The following ACTR3C variants were observed in gnomAD, a reference collection of about 807,000 sequenced individuals.
The protein encoded by ACTR3C is actin-related protein 3C.
In ACTR3C, 18 loss-of-function variants were observed where a neutral mutation model predicts 26.3. The ratio of observed to expected loss-of-function variants is 0.68; its 90% CI spans 0.47 to 1.01. The LOEUF is 1.01. ACTR3C is among the 50% of genes least tolerant of loss of function. ACTR3C has a pLI of 0.00. For synonymous variants in ACTR3C, 55 were observed against 94.5 expected (o/e 0.58, Z 2.42); for missense variants, 184 against 250.7 (o/e 0.73, Z 1.80).
the ACTR3C span, among the ~76,000 whole-genome samples, chr7:150,219,138 A>G: frequency 1.3e-5 from 2 of 148,414 alleles, no homozygotes; most frequent in African/African-American, 2.6e-5. Context: ...AGTGAATCCA[A>G]TATCATTACT....
At chr7:150,204,722 C>CA in the ACTR3C span, among the ~76,000 whole-genome samples, 1 of 150,516 alleles carries the variant, frequency 6.6e-6, no homozygotes, top group Non-Finnish European at 1.5e-5. Context: ...GGAGGATTGA[C>CA]GAGTGCAGAG....
chr7:150,275,549 A>G (rs962838290), intron 6 of ACTR3C, among the ~76,000 whole-genome samples: 3 of 152,160 alleles, frequency 2.0e-5, no homozygotes, highest in African/African-American at 7.2e-5. Flanking sequence ...CGTCTCTACT[A>G]AAAATACAAA....
the ACTR3C span, among the ~76,000 whole-genome samples, chr7:150,020,737 T>C: frequency 6.6e-6 from 1 of 152,180 alleles, no homozygotes; most frequent in Admixed American, 6.5e-5. Flanking sequence ...ATCTCAGGCT[T>C]TATTCTAAGG....
chr7:150,209,653 C>CAGTT, the ACTR3C span, among the ~76,000 whole-genome samples: 1 of 150,278 alleles, frequency 6.7e-6, no homozygotes, highest in African/African-American at 2.5e-5. Context: ...CCAAGGCAGG[C>CAGTT]AGTTCACCTG....
At chr7:150,126,943 A>G in the ACTR3C span, among the ~76,000 whole-genome samples, 1 of 152,234 alleles carries the variant, frequency 6.6e-6, no homozygotes, top group Non-Finnish European at 1.5e-5. Flanking sequence ...GTAGATTAAG[A>G]CAAGAGTTAC....
At chr7:149,937,125 C>CTG in the ACTR3C span, among the ~76,000 whole-genome samples, 20 of 150,874 alleles carry the variant, frequency 1.3e-4, no homozygotes, top group East Asian at 3.9e-3. Flanking sequence ...AGACATATTA[C>CTG]CAACTAATAG....
the ACTR3C span, among the ~76,000 whole-genome samples, chr7:150,183,005 T>C: frequency 2.0e-5 from 3 of 150,910 alleles, 1 homozygote; most frequent in African/African-American, 7.5e-5. Context: ...TGTTTTCAGA[T>C]TGATGAATTA....
At chr7:150,238,239 T>C in the ACTR3C span, among the ~76,000 whole-genome samples, 1 of 137,988 alleles carries the variant, frequency 7.2e-6, no homozygotes, top group African/African-American at 3.0e-5. Flanking sequence ...GAAATTAGTT[T>C]ATCTCTCAGT....
At chr7:149,922,970 CTTT>C in the ACTR3C span, among the ~76,000 whole-genome samples, 104 of 69,140 alleles carry the variant, frequency 1.5e-3, no homozygotes, top group African/African-American at 4.8e-3. Context: ...AAATAAAAGG[CTTT>C]TTTTTTTTTT....
intron 1 of ACTR3C, among the ~76,000 whole-genome samples, chr7:150,306,014 A>G (rs1231079407): frequency 1.3e-5 from 2 of 152,184 alleles, no homozygotes; most frequent in African/African-American, 2.4e-5. Flanking sequence ...AAGGAAATTT[A>G]CCATTCTCAT....
chr7:149,991,849 C>A, the ACTR3C span, among the ~76,000 whole-genome samples: 1,797 of 152,328 alleles, frequency 0.012, 36 homozygotes, highest in African/African-American at 0.041. Flanking sequence ...CCCACCTCAG[C>A]CTCTGGAGTA....
the ACTR3C span, among the ~76,000 whole-genome samples, chr7:149,921,983 G>A: frequency 6.6e-6 from 1 of 150,618 alleles, no homozygotes; most frequent in Admixed American, 6.7e-5. Context: ...CTTATTTTCT[G>A]TGCGTAGTCC....
At chr7:150,256,028 T>C (rs1005913724) in intron 6 of ACTR3C, among the ~76,000 whole-genome samples, 1 of 152,214 alleles carries the variant, frequency 6.6e-6, no homozygotes, top group African/African-American at 2.4e-5. Context: ...TAGAGATACA[T>C]GAGAGTCAAT....
At chr7:150,156,801 A>G in the ACTR3C span, among the ~76,000 whole-genome samples, 1 of 152,058 alleles carries the variant, frequency 6.6e-6, no homozygotes, top group South Asian at 2.1e-4. Flanking sequence ...ATGTCATCCC[A>G]TTCCTTTCGC....
chr7:150,165,629 G>A, the ACTR3C span, among the ~76,000 whole-genome samples: 1 of 152,160 alleles, frequency 6.6e-6, no homozygotes, highest in Non-Finnish European at 1.5e-5. Context: ...GGTCTGTGTG[G>A]CTCTCAACAG....
chr7:150,037,777 C>A, the ACTR3C span, among the ~76,000 whole-genome samples: 3 of 42,086 alleles, frequency 7.1e-5, no homozygotes, highest in African/African-American at 1.9e-4. Flanking sequence ...GCCTCCCCCT[C>A]CTGCGATGGG....
chr7:150,035,359 C>T, the ACTR3C span, among the ~76,000 whole-genome samples: 2,901 of 49,644 alleles, frequency 0.058, 922 homozygotes, highest in African/African-American at 0.17. Flanking sequence ...CAGTCCCCAC[C>T]CTCGCGGGCG....
the ACTR3C span, among the ~76,000 whole-genome samples, chr7:149,989,597 A>T: frequency 1.3e-5 from 2 of 152,232 alleles, no homozygotes; most frequent in Non-Finnish European, 2.9e-5. Context: ...ATGTTGTCAC[A>T]ATTGACAGAC....
At chr7:150,225,510 G>A in the ACTR3C span, among the ~76,000 whole-genome samples, 5 of 152,114 alleles carry the variant, frequency 3.3e-5, no homozygotes, top group African/African-American at 1.2e-4. Context: ...TACTCTATAT[G>A]TACAGTGGTA....
Sources: allele counts gnomAD v4.1 joint callset (sites outside exome capture counted in the v4.1 genomes callset), GRCh38; gene constraint gnomAD v4.1.1; transcripts MANE v1.5; gene names NCBI Gene and HGNC (gene_info 2026-07-23, HGNC 2026-07-21).